VRK2: variants seen among roughly 807,000 people sequenced by gnomAD.
The protein encoded by VRK2 is serine/threonine-protein kinase VRK2.
VRK2 carries 60 observed loss-of-function variants against 57.6 expected under a neutral mutation model. The ratio of observed to expected loss-of-function variants is 1.04; its 90% CI spans 0.85 to 1.29. VRK2 has a LOEUF of 1.29. Among genes scored for constraint, VRK2 ranks in the 50% most tolerant of loss-of-function variants. VRK2 has a pLI of 0.00. For synonymous variants in VRK2, 231 were observed against 199.2 expected, an observed-to-expected ratio of 1.16 and a Z score of -1.35; for missense variants, 705 against 588.1, an observed-to-expected ratio of 1.20 and a Z score of -2.06.
rs560788761 is a variant in VRK2, at chr2:58,095,154, C to T, written c.543+5431C>T. 1.4e-3 allele frequency among the ~76,000 whole-genome samples: 216 copies of T among 152,098 alleles called. 3 individuals carry two copies. The highest frequency in any genetic ancestry group is 4.9e-3 in the African/African-American group (203 of 41,494). On this transcript the variant is annotated intron_variant, in intron 7 of 12. Transcript: ENST00000340157. ...ACTAAAAATACAAAAATTATCCGGG[C>T]GTGGTGGCAGGTGCCTGTAGTCCCA...
intron 1 of VRK2, among the ~76,000 whole-genome samples, chr2:57,916,522 G>A (rs73942221): frequency 6.0e-5 from 9 of 151,114 alleles, no homozygotes; most frequent in African/African-American, 1.7e-4. Context: ...TCACTATATC[G>A]ACCCACCCTC....
chr2:58,111,890 T>A (rs1452719290), intron 7 of VRK2, among the ~76,000 whole-genome samples: 2 of 152,220 alleles, frequency 1.3e-5, no homozygotes, highest in African/African-American at 4.8e-5. Context: ...AGCAAATATT[T>A]TAGGCTTTTA....
chr2:58,089,840 G>A, intron 7 of VRK2, 117 bp downstream of exon 7: 1 of 665,732 alleles, frequency 1.5e-6, no homozygotes. Flanking sequence ...GATGAATGTT[G>A]TAATTTATCT....
chr2:58,057,488 A>G (rs1174702501), intron 2 of VRK2, among the ~76,000 whole-genome samples: 1 of 127,986 alleles, frequency 7.8e-6, no homozygotes. Context: ...CATTGTGTTA[A>G]GACAAATCAG....
intron 10 of VRK2, among the ~76,000 whole-genome samples, chr2:58,136,992 G>A (rs1424992953): frequency 3.2e-5 from 4 of 126,862 alleles, no homozygotes; most frequent in East Asian, 2.2e-4. Flanking sequence ...ATATATATGT[G>A]TATATATCAT....
intron 7 of VRK2, among the ~76,000 whole-genome samples, chr2:58,117,916 AG>A (rs1676772266): frequency 1.3e-5 from 2 of 152,090 alleles, no homozygotes; most frequent in Non-Finnish European, 2.9e-5. Context: ...GACACAGAGA[AG>A]GGGTAGGGGT....
At chr2:58,140,622 A>G (rs993042172) in intron 11 of VRK2, among the ~76,000 whole-genome samples, 1 of 152,030 alleles carries the variant, frequency 6.6e-6, no homozygotes, top group African/African-American at 2.4e-5. Flanking sequence ...TCATGAGCCA[A>G]GAATGCGGGA....
chr2:58,046,505 T>C (rs1674764119), upstream of VRK2: 1 of 985,378 alleles, frequency 1.0e-6, no homozygotes, highest in Admixed American at 6.1e-5. Context: ...CACAAATGCA[T>C]GTCGTGCTTA....
intron 2 of VRK2, among the ~76,000 whole-genome samples, chr2:58,057,800 C>T (rs983733458): frequency 3.9e-5 from 6 of 151,910 alleles, no homozygotes; most frequent in African/African-American, 7.2e-5. Context: ...TGTTTGAGGT[C>T]GGGAATTTTC....
intron 1 of VRK2, among the ~76,000 whole-genome samples, chr2:58,001,371 G>A (rs1234258846): frequency 6.6e-6 from 1 of 152,132 alleles, no homozygotes; most frequent in Non-Finnish European, 1.5e-5. Context: ...TTGGATTCAT[G>A]CACCCTAAAT....
chr2:57,942,329 G>C (rs894851956), intron 1 of VRK2, among the ~76,000 whole-genome samples: 2 of 152,202 alleles, frequency 1.3e-5, no homozygotes, highest in African/African-American at 4.8e-5. Flanking sequence ...AAATTATGCA[G>C]AGGAAGACAA....
At chr2:58,034,654 C>T (rs1391827223) in intron 3 of VRK2, among the ~76,000 whole-genome samples, 3 of 151,982 alleles carry the variant, frequency 2.0e-5, no homozygotes, top group Non-Finnish European at 2.9e-5. Context: ...TTCCATCTTA[C>T]CCTCTGTTCC....
At chr2:58,049,961 G>A (rs1266839534) in intron 2 of VRK2, among the ~76,000 whole-genome samples, 1 of 152,048 alleles carries the variant, frequency 6.6e-6, no homozygotes, top group African/African-American at 2.4e-5. Flanking sequence ...TAGTTGGAAA[G>A]ACAAGATCAG....
At chr2:57,930,534 T>A (rs1451973923) in intron 1 of VRK2, among the ~76,000 whole-genome samples, 2 of 152,224 alleles carry the variant, frequency 1.3e-5, no homozygotes. Flanking sequence ...GTACTTTGAT[T>A]GCTTGCTTGG....
At position 58,084,148 on chromosome 2, in the gene VRK2, G is replaced by C. The variant is rs1477518591; in HGVS notation, c.186+10G>C. The C allele has an allele frequency of 6.3e-7, 1 of 1,598,894 alleles. No individual in the cohort carries two copies. The highest frequency in any genetic ancestry group is 8.5e-7 in the Non-Finnish European group (1 of 1,170,898). On this transcript the variant is annotated intron_variant, in intron 3 of 12. Coordinates refer to ENST00000340157, the MANE Select transcript of VRK2 (RefSeq NM_006296.7). ...ACATGTAGTAAAAGTGGTAAGTGTTGCTCATAGATTTGTATTTCACATATA... is the reference window on the plus strand; with the variant it reads ...ACATGTAGTAAAAGTGGTAAGTGTTCCTCATAGATTTGTATTTCACATATA...
intron 2 of VRK2, among the ~76,000 whole-genome samples, chr2:58,080,826 G>C (rs1670758231): frequency 6.6e-6 from 1 of 151,740 alleles, no homozygotes; most frequent in South Asian, 2.1e-4. Flanking sequence ...GTGTATTTAA[G>C]TTTATTAAAT....
intron 7 of VRK2, among the ~76,000 whole-genome samples, chr2:58,111,169 C>G (rs924928240): frequency 2.6e-5 from 4 of 152,110 alleles, no homozygotes; most frequent in African/African-American, 2.4e-5. Flanking sequence ...TAACAAAACC[C>G]TTGGACAGGC....
intron 1 of VRK2, among the ~76,000 whole-genome samples, chr2:57,960,755 T>G (rs1339313621): frequency 6.6e-6 from 1 of 152,184 alleles, no homozygotes; most frequent in Admixed American, 6.6e-5. Flanking sequence ...AAATACAGAT[T>G]AGATGTGCAA....
intron 12 of VRK2, among the ~76,000 whole-genome samples, chr2:58,147,757 C>T (rs1396670592): frequency 6.7e-6 from 1 of 149,850 alleles, no homozygotes; most frequent in Non-Finnish European, 1.5e-5. Flanking sequence ...AACATGCAGT[C>T]ATATAGTATG....
Sources: gnomAD v4.1 joint callset for allele counts (sites outside exome capture counted in the v4.1 genomes callset) on GRCh38, gnomAD v4.1.1 for gene constraint, MANE v1.5 for transcripts, NCBI Gene and HGNC (gene_info 2026-07-23, HGNC 2026-07-21) for gene names.